The following PRDM12 variants were observed in gnomAD, a reference collection of about 807,000 sequenced individuals.
PRDM12 encodes PR domain zinc finger protein 12.
PRDM12 carries 17 observed loss-of-function variants against 29.6 expected under a neutral mutation model. The ratio of observed to expected loss-of-function variants is 0.57; its 90% confidence interval spans 0.39 to 0.86. PRDM12 has a LOEUF of 0.86. Ranked by LOEUF, PRDM12 falls within the 40% of genes least tolerant of loss-of-function variation. The pLI, the probability that PRDM12 is intolerant of heterozygous loss-of-function variation, is 0.00. For synonymous variants in PRDM12, 231 were observed against 225.8 expected (o/e 1.02, Z -0.21); for missense variants, 422 against 510.8 (o/e 0.83, Z 1.68).
At chr9:130,680,654 TATATA>T (rs1464982278) in intron 4 of PRDM12, among the ~76,000 whole-genome samples, 77 of 86,522 alleles carry the variant, frequency 8.9e-4, no homozygotes, top group African/African-American at 2.0e-3. Context: ...TATATATATA[TATATA>T]TTTTTTTTTT....
intron 3 of PRDM12, among the ~76,000 whole-genome samples, chr9:130,675,866 G>A (rs543936276): frequency 3.9e-5 from 6 of 152,214 alleles, no homozygotes; most frequent in East Asian, 3.9e-4. Context: ...CAACGTGTCC[G>A]GTTTCATCCA....
At chr9:130,677,661 G>A (rs1208926706) in intron 3 of PRDM12, among the ~76,000 whole-genome samples, 1 of 152,216 alleles carries the variant, frequency 6.6e-6, no homozygotes, top group Non-Finnish European at 1.5e-5. Flanking sequence ...CACTTGGGAG[G>A]GGTAACTGGC....
At chr9:130,667,329 C>T (rs890922066) in intron 2 of PRDM12, among the ~76,000 whole-genome samples, 3 of 152,318 alleles carry the variant, frequency 2.0e-5, no homozygotes, top group Admixed American at 2.0e-4. Flanking sequence ...CACGGATGAC[C>T]TCAGTAGCCC....
intron 4 of PRDM12, among the ~76,000 whole-genome samples, chr9:130,680,633 AAATATATAT>A (rs1246687586): frequency 1.2e-5 from 1 of 86,674 alleles, no homozygotes; most frequent in South Asian, 3.7e-4. Context: ...TAAAAAAAAA[AAATATATAT>A]ATATATATAT....
At chr9:130,676,898 C>T (rs1292652507) in intron 3 of PRDM12, among the ~76,000 whole-genome samples, 1 of 150,650 alleles carries the variant, frequency 6.6e-6, no homozygotes, top group Non-Finnish European at 1.5e-5. Context: ...TTCTTTCGAC[C>T]TCCCCTTCTT....
chr9:130,680,149 C>A (rs1830880755), intron 4 of PRDM12, among the ~76,000 whole-genome samples: 1 of 151,566 alleles, frequency 6.6e-6, no homozygotes, highest in Non-Finnish European at 1.5e-5. Flanking sequence ...CCAGCCTGGT[C>A]AACATGGCAA....
intron 2 of PRDM12, among the ~76,000 whole-genome samples, chr9:130,667,170 G>A (rs1588184457): frequency 6.6e-6 from 1 of 152,316 alleles, no homozygotes; most frequent in East Asian, 1.9e-4. Flanking sequence ...CCTGGCCCCG[G>A]AAGCAGCCTG....
rs1830903828 is a variant in PRDM12, at chr9:130,681,606, C to CGCCGCG, written c.1046_1047insGGCCGC (p.Ala358_Ala359dup). ...CCCCGCACGCGCACGCGCCCGCGCT[C>CGCCGCG]GCCGCCGCCGCCGCCGCCGCCGCCG... On this transcript the variant is annotated inframe_insertion, in exon 5 of 5. Coordinates refer to ENST00000253008, the MANE Select transcript of PRDM12 (RefSeq NM_021619.3). This position sits in a 1 kb window ranked among gnomAD's most constrained non-coding sequence, Gnocchi z 8.1. 1 of 576,628 alleles carries CGCCGCG rather than the reference C, an allele frequency of 1.7e-6. No homozygotes were observed. 35.7% of individuals were successfully genotyped at this position (576,628 alleles called of 1,614,324 possible).
intron 3 of PRDM12, among the ~76,000 whole-genome samples, chr9:130,670,373 C>G (rs1445315508): frequency 6.6e-6 from 1 of 152,054 alleles, no homozygotes; most frequent in Non-Finnish European, 1.5e-5. Flanking sequence ...ATAACAACAC[C>G]CCAGAGACTC....
In PRDM12 at chr9:130,668,288, C is replaced by T. The variant is rs747583179; in HGVS notation, c.545C>T (p.Thr182Ile). The T allele has an allele frequency of 6.2e-7, 1 of 1,613,978 alleles. No homozygotes were observed. Among genetic ancestry groups the T allele is most frequent in the African/African-American group, 1.3e-5 (1 of 74,900 alleles). ...AACCTGGAGGTGGTCCAGATCGGCA[C>T]CAGCATCTTCTACAAGGCCATTGAG... ...EQNLEVVQIGTSIFYKAIEMI... is the reference protein window; with the variant it reads ...EQNLEVVQIGISIFYKAIEMI... The change falls in exon 3 of 5, where the codon ACC becomes ATC. Residue 182 changes from threonine (T) to isoleucine (I), a missense_variant. By Grantham distance (89) the Thr-to-Ile change is moderately conservative (BLOSUM62 -1). Transcript: ENST00000253008. This position sits in a 1 kb window ranked among gnomAD's most constrained non-coding sequence, Gnocchi z 4.0.
intron 3 of PRDM12, among the ~76,000 whole-genome samples, chr9:130,677,918 T>C (rs897591743): frequency 6.6e-6 from 1 of 152,172 alleles, no homozygotes; most frequent in Non-Finnish European, 1.5e-5. Context: ...TGTAAGGCAG[T>C]GTACCCCAAT....
intron 3 of PRDM12, among the ~76,000 whole-genome samples, chr9:130,670,702 C>T (rs367651769): frequency 1.4e-4 from 22 of 152,322 alleles, no homozygotes; most frequent in East Asian, 7.7e-4. Flanking sequence ...CGCCTTCATA[C>T]GCTCTTTCCC....
chr9:130,680,634 A>AAAATATATAT (rs1469778040), intron 4 of PRDM12, among the ~76,000 whole-genome samples: 2 of 88,540 alleles, frequency 2.3e-5, no homozygotes, highest in South Asian at 4.0e-4. Flanking sequence ...AAAAAAAAAA[A>AAAATATATAT]ATATATATAT....
At chr9:130,678,713 T>C in intron 4 of PRDM12, 73 bp downstream of exon 4, 2 of 1,270,676 alleles carry the variant, frequency 1.6e-6, no homozygotes, top group Non-Finnish European at 2.2e-6. Flanking sequence ...AGAGAGAGAA[T>C]GAGAGAGGCA....
intron 3 of PRDM12, among the ~76,000 whole-genome samples, chr9:130,677,221 G>A (rs1463228091): frequency 2.0e-5 from 3 of 152,142 alleles, no homozygotes; most frequent in Admixed American, 6.6e-5. Flanking sequence ...CACCACGCCC[G>A]ACCTCCACTT....
chr9:130,666,326 T>A (rs1458440320), intron 1 of PRDM12, among the ~76,000 whole-genome samples: 1 of 152,218 alleles, frequency 6.6e-6, no homozygotes, highest in Non-Finnish European at 1.5e-5. Flanking sequence ...TGCGAATGCT[T>A]TGAGAATTCG....
chr9:130,666,558 G>T, intron 1 of PRDM12, 50 bp from the exon 2 acceptor site: 1 of 1,576,154 alleles, frequency 6.3e-7, no homozygotes, highest in Non-Finnish European at 8.6e-7. Flanking sequence ...GAAGGGCCGG[G>T]CCTCGGCTGC....
intron 1 of PRDM12, among the ~76,000 whole-genome samples, chr9:130,665,193 C>A (rs1359896213): frequency 6.6e-6 from 1 of 152,140 alleles, no homozygotes; most frequent in Non-Finnish European, 1.5e-5. Context: ...CCTTACTAGG[C>A]GTGTAATAGC....
rs1335673944 is a variant in PRDM12, at chr9:130,682,632, T to C, written c.*963T>C. 2.0e-5 allele frequency: 3 copies of C among 152,272 alleles called. No individual in the cohort carries two copies. Among genetic ancestry groups the C allele is most frequent in the Non-Finnish European group, 4.4e-5 (3 of 68,022 alleles). 9.4% of individuals were successfully genotyped at this position (152,272 alleles called of 1,614,324 possible). On this transcript the variant is annotated 3_prime_UTR_variant, in exon 5 of 5. Coordinates refer to ENST00000253008, the MANE Select transcript of PRDM12 (RefSeq NM_021619.3). The surrounding 1 kb of genome is among the most constrained non-coding windows in gnomAD (Gnocchi z 4.2). The stretch of plus-strand genomic sequence containing the variant: ...CGAAGCGCTTCCGAGCTGTGCCCAG[T>C]CCCGGGAATTCCGCCCAGTCTGCCC...
Sources: gnomAD v4.1 joint callset for allele counts (sites outside exome capture counted in the v4.1 genomes callset) on GRCh38, gnomAD v4.1.1 for gene constraint, Gnocchi (gnomAD v3.1) non-coding constraint, MANE v1.5 for transcripts, NCBI Gene and HGNC (gene_info 2026-07-23, HGNC 2026-07-21) for gene names.